Variants in ZFYVE16 observed in about 807,000 individuals in gnomAD.
ZFYVE16 encodes the protein zinc finger FYVE-type containing 16, also known as zinc finger FYVE domain-containing protein 16.
A neutral mutation model predicts 138.1 loss-of-function variants in ZFYVE16; 89 were observed. That is an observed-to-expected ratio of 0.64 (90% CI 0.54 to 0.77). The LOEUF is 0.77. Ranked by LOEUF, ZFYVE16 falls within the 30% of genes least tolerant of loss-of-function variation. The pLI is 0.00. For missense variants in ZFYVE16, 1,793 were observed against 1,786.7 expected (o/e 1.00, Z -0.06); for synonymous variants, 596 against 618.3 (o/e 0.96, Z 0.53).
Position 80,448,321 on chromosome 5 carries a change from A to G in ZFYVE16, c.3020A>G (p.Tyr1007Cys), listed in dbSNP as rs145770717. The G allele has an allele frequency of 1.7e-5, 28 of 1,611,306 alleles. No individual in the cohort carries two copies. Among genetic ancestry groups the G allele is most frequent in the Non-Finnish European group, 2.2e-5 (26 of 1,179,616 alleles). ...DYRLLCDINK[Y>C]VCNKISLLPN... ...AGGTTACTGTGTGATATTAACAAGT[A>G]TGTCTGCAATAAGATTAGTCTTCTA... The change falls in exon 8 of 19, where the codon TAT (tyrosine) becomes TGT (cysteine). Residue 1007 changes from tyrosine to cysteine, a missense_variant. Tyr to Cys is a radical substitution (Grantham distance 194). This residue lies in a region of ZFYVE16 where 1,295 missense variants were observed against 1,204.3 expected (regional missense o/e 1.08). Transcript: ENST00000505560.
Position 80,473,833 on chromosome 5 carries a change from G to A in ZFYVE16, c.4267G>A (p.Asp1423Asn), listed in dbSNP as rs748541927. Residue 1423 changes from aspartate (D) to asparagine (N), a missense_variant, in exon 17 of 19, where the codon GAT becomes AAT. Asp to Asn is a conservative substitution (Grantham distance 23). Coordinates refer to ENST00000505560, the MANE Select transcript of ZFYVE16 (RefSeq NM_001284236.3). Reference sequence around the variant, plus strand: ...AAAACTGGAAGCAGATTTTGAAACCGATGAGAAGATTGTAAAATGTACCGA... The same window carrying A: ...AAAACTGGAAGCAGATTTTGAAACCAATGAGAAGATTGTAAAATGTACCGA... ...KIKLEADFET[D>N]EKIVKCTEVF... The A allele has an allele frequency of 5.0e-6, 8 of 1,612,864 alleles. No homozygotes were observed. Among genetic ancestry groups the A allele is most frequent in the Admixed American group, 1.7e-5 (1 of 59,918 alleles).
At chr5:80,440,273 A>G in intron 5 of ZFYVE16, 1 of 1,141,858 alleles carries the variant, frequency 8.8e-7, no homozygotes, top group Non-Finnish European at 1.1e-6. Context: ...AACTTTTAAC[A>G]GGTACCAAGT....
At chr5:80,435,426 C>T (rs145541276) in intron 3 of ZFYVE16, among the ~76,000 whole-genome samples, 4,343 of 152,332 alleles carry the variant, frequency 0.029, 72 homozygotes, top group South Asian at 0.046. Context: ...GTCTCAGCCT[C>T]CCAAAGTGCT....
rs557377824 is a variant in ZFYVE16, at chr5:80,435,718, G to A, written c.71-1038G>A. On this transcript the variant is annotated intron_variant, in intron 3 of 18. Transcript: ENST00000505560. ...TGAGTAGCTGGGACCACAAGTGTGC[G>A]CCAGCATGCCCGGCTAATTTAAAAA... 97 of 437,040 alleles carry A rather than the reference G, an allele frequency of 2.2e-4. No homozygotes were observed. The Middle Eastern group carries it at 6.8e-3, about 31-fold the overall frequency. The allele number at this position is 437,040 out of a possible 1,614,324, so 27.1% of individuals were successfully genotyped here.
intron 1 of ZFYVE16, among the ~76,000 whole-genome samples, chr5:80,426,862 A>C (rs922290200): frequency 2.0e-5 from 3 of 152,080 alleles, no homozygotes; most frequent in Non-Finnish European, 4.4e-5. Flanking sequence ...GAATCGCTAC[A>C]CTGTCTTTGC....
At chr5:80,474,577 GAATTT>G (rs937112597) in intron 17 of ZFYVE16, 81 bp from the exon 18 acceptor site, 2 of 1,320,430 alleles carry the variant, frequency 1.5e-6, no homozygotes, top group African/African-American at 2.9e-5. Flanking sequence ...ACTTACATTG[GAATTT>G]AATTAAACTT....
At chr5:80,434,497 G>A (rs1280844838) in intron 3 of ZFYVE16, among the ~76,000 whole-genome samples, 2 of 151,936 alleles carry the variant, frequency 1.3e-5, no homozygotes, top group Non-Finnish European at 2.9e-5. Context: ...TTATTTTTGA[G>A]ACAAAGTCTC....
intron 2 of ZFYVE16, among the ~76,000 whole-genome samples, chr5:80,433,788 G>A (rs1479692703): frequency 1.3e-5 from 2 of 151,698 alleles, no homozygotes; most frequent in South Asian, 2.1e-4. Context: ...ATTTTTATGC[G>A]TTTGTAGTTT....
intron 2 of ZFYVE16, 68 bp from the exon 3 acceptor site, chr5:80,434,041 C>A: frequency 9.8e-7 from 1 of 1,015,352 alleles, no homozygotes; most frequent in Non-Finnish European, 1.5e-6. Flanking sequence ...TGTTTCCTGG[C>A]ATGGAATACA....
chr5:80,448,285 T>G lies in ZFYVE16; in HGVS notation c.2984T>G (p.Ile995Ser), dbSNP rs1293092139. ...LVNSNLPIAS[I>S]SDYRLLCDIN... ...AACAGCAATTTACCTATTGCTAGTA[T>G]TTCAGATTATAGGTTACTGTGTGAT... Residue 995 changes from isoleucine (I) to serine (S), a missense_variant, in exon 8 of 19, where the codon ATT becomes AGT. Physicochemically the swap from Ile to Ser is moderately radical, Grantham distance 142. Transcript: ENST00000505560. The G allele has an allele frequency of 6.2e-7, 1 of 1,613,578 alleles. No homozygotes were observed. Among genetic ancestry groups the G allele is most frequent in the South Asian group, 1.1e-5 (1 of 91,058 alleles).
intron 7 of ZFYVE16, among the ~76,000 whole-genome samples, chr5:80,446,327 C>T (rs1016278534): frequency 3.9e-5 from 6 of 152,046 alleles, no homozygotes; most frequent in African/African-American, 1.4e-4. Flanking sequence ...TTGATAATTA[C>T]TATATTAAAA....
At position 80,436,762 on chromosome 5, in the gene ZFYVE16, A is replaced by C. The variant is rs539533839; in HGVS notation, c.77A>C (p.Gln26Pro). 1.4e-4 allele frequency: 230 copies of C among 1,605,708 alleles called. 4 individuals are homozygous for C. In the South Asian group the frequency reaches 2.3e-3, roughly 16 times the overall value. The part of the protein sequence containing the change: ...LDDFEQNPDE[Q>P]DYLQDVQNAY... ...CACTGTTTCTCTATTTCAGATGAAC[A>C]AGATTATCTCCAAGATGTACAAAAT... Residue 26 changes from glutamine to proline, a missense_variant, in exon 4 of 19, where the codon CAA becomes CCA. This residue lies in a region of ZFYVE16 where 1,295 missense variants were observed against 1,204.3 expected (regional missense o/e 1.08). Transcript: ENST00000505560.
chr5:80,425,549 A>C (rs997728242), intron 1 of ZFYVE16, among the ~76,000 whole-genome samples: 2 of 152,202 alleles, frequency 1.3e-5, no homozygotes, highest in African/African-American at 4.8e-5. Flanking sequence ...GTATTTTTAA[A>C]AAGTAAGAGT....
chr5:80,440,056 T>G, intron 5 of ZFYVE16, 24 bp downstream of exon 5: 1 of 1,570,094 alleles, frequency 6.4e-7, no homozygotes. Flanking sequence ...TGATATATTT[T>G]CTTCCAGTAA....
At position 80,438,387 on chromosome 5, in the gene ZFYVE16, G is replaced by A. The variant is rs138523389; in HGVS notation, c.1702G>A (p.Gly568Ser). Residue 568 changes from glycine to serine, a missense_variant, in exon 4 of 19, where the codon GGC becomes AGC. Physicochemically the swap from Gly to Ser is moderately conservative, Grantham distance 56. Around this residue, in one of 2 missense-constraint regions of ZFYVE16, gnomAD observed 1,295 missense variants for 1,204.3 expected, o/e 1.08. Transcript: ENST00000505560. ...KSQMNQIDMKGLDDGNINNIY... is the reference protein window; with the variant it reads ...KSQMNQIDMKSLDDGNINNIY... ...GCAAATGAATCAGATAGATATGAAA[G>A]GCTTAGATGATGGAAACATCAATAA... 698 of 1,613,810 alleles carry A rather than the reference G, an allele frequency of 4.3e-4. 7 individuals carry two copies. The East Asian group carries it at 0.013, about 30-fold the overall frequency.
chr5:80,442,774 T>C (rs2112410137), intron 5 of ZFYVE16, among the ~76,000 whole-genome samples: 1 of 152,276 alleles, frequency 6.6e-6, no homozygotes, highest in South Asian at 2.1e-4. Context: ...GAGATATGAT[T>C]TATGTCTAAA....
chr5:80,454,437 CAT>C (rs1752297275), intron 11 of ZFYVE16: 1 of 151,892 alleles, frequency 6.6e-6, no homozygotes, highest in Non-Finnish European at 1.5e-5. Flanking sequence ...AAAGAAAGAA[CAT>C]AGTTAGGTGG....
At position 80,415,410 on chromosome 5, in the gene ZFYVE16, G is replaced by A. The variant is rs183317866; in HGVS notation, c.-94+7257G>A. On this transcript the variant is annotated intron_variant, in intron 1 of 18. Coordinates refer to ENST00000505560, the MANE Select transcript of ZFYVE16 (RefSeq NM_001284236.3). ...CCTCTAATATGCTTTTTCTGTTCCA[G>A]GATCCCATCCAGGATACCACATTAC... Among the ~76,000 whole-genome samples, 962 of 152,202 alleles carry A rather than the reference G, an allele frequency of 6.3e-3. 10 individuals carry two copies. Among genetic ancestry groups the A allele is most frequent in the African/African-American group, 0.021 (890 of 41,534 alleles).
At chr5:80,440,204 C>G (rs1580230004) in intron 5 of ZFYVE16, 172 bp downstream of exon 5, 1 of 1,234,868 alleles carries the variant, frequency 8.1e-7, no homozygotes, top group African/African-American at 1.6e-5. Flanking sequence ...GTTCCACTCT[C>G]ACAATTAATA....
Sources: allele counts gnomAD v4.1 joint callset (sites outside exome capture counted in the v4.1 genomes callset), GRCh38; gene constraint gnomAD v4.1.1; regional missense constraint gnomAD v4.1.1; transcripts MANE v1.5; gene names NCBI Gene and HGNC (gene_info 2026-07-23, HGNC 2026-07-21).